The following SPINT2 variants were observed in gnomAD, a reference collection of about 807,000 sequenced individuals.
SPINT2 encodes the protein kunitz-type protease inhibitor 2.
SPINT2 carries 18 observed loss-of-function variants against 30.1 expected under a neutral mutation model. That is an observed-to-expected ratio of 0.60 (90% CI 0.41 to 0.89). SPINT2 has a LOEUF of 0.89. Ranked by LOEUF, SPINT2 falls within the 40% of genes least tolerant of loss-of-function variation. SPINT2 has a pLI of 0.00. For missense variants in SPINT2, 276 were observed against 334.3 expected (o/e 0.83, Z 1.36); for synonymous variants, 139 against 137.9 (o/e 1.01, Z -0.05).
intron 1 of SPINT2, among the ~76,000 whole-genome samples, chr19:38,275,223 T>G (rs970796821): frequency 6.6e-6 from 1 of 152,232 alleles, no homozygotes; most frequent in African/African-American, 2.4e-5. Context: ...TAATCCTAAA[T>G]GTTTCCAATG....
intron 1 of SPINT2, among the ~76,000 whole-genome samples, chr19:38,281,740 G>A (rs562259000): frequency 2.7e-4 from 41 of 151,812 alleles, no homozygotes; most frequent in African/African-American, 8.5e-4. Context: ...AAAATCACTC[G>A]TTTTAAGTAT....
chr19:38,283,476 G>T, intron 1 of SPINT2, 151 bp from the exon 2 acceptor site: 2 of 920,702 alleles, frequency 2.2e-6, no homozygotes, highest in South Asian at 3.0e-5. Flanking sequence ...GAGTGGGCCT[G>T]TTGACGATCT....
chr19:38,280,899 G>A (rs906799582), intron 1 of SPINT2, among the ~76,000 whole-genome samples: 5 of 152,174 alleles, frequency 3.3e-5, no homozygotes, highest in Non-Finnish European at 7.4e-5. Context: ...GTGGAAAAAG[G>A]CTGTGTCTGA....
rs1555715071 is a variant in SPINT2 at position 38,267,650 on chromosome 19, G to GGT, written c.106+2653_106+2654insTG. ...TCTAGGTGTGACCCTGAGAGGAAGC[G>GGT]GGGGGGCGAGGGTGGGAGGAGATCA... is the stretch of plus-strand genomic sequence containing the variant. On this transcript the variant is annotated intron_variant, in intron 1 of 6. Coordinates refer to ENST00000301244, the MANE Select transcript of SPINT2 (RefSeq NM_021102.4). Among the ~76,000 whole-genome samples the GGT allele has an allele frequency of 3.6e-4, 34 of 94,724 alleles. No homozygotes were observed. In the Admixed American group the frequency reaches 4.0e-3, roughly 11 times the overall value. 62.1% of individuals were successfully genotyped at this position (94,724 alleles called of 152,430 possible). A position where few individuals can be genotyped will look rare whatever the true frequency, so the allele number is the denominator to read the frequency against.
intron 1 of SPINT2, among the ~76,000 whole-genome samples, chr19:38,267,110 C>G (rs897393032): frequency 6.6e-6 from 1 of 152,188 alleles, no homozygotes; most frequent in South Asian, 2.1e-4. Context: ...ACTGCAGAGG[C>G]CTTCTCTGTT....
At chr19:38,285,124 G>A (rs182998287) in intron 2 of SPINT2, among the ~76,000 whole-genome samples, 228 of 152,172 alleles carry the variant, frequency 1.5e-3, no homozygotes, top group Admixed American at 5.6e-3. Context: ...TCCTCTTTGC[G>A]GCCCTCACCT....
rs1968696893 is a variant in SPINT2, at chr19:38,290,065, TCC to T, written c.392-51_392-50del. 3.1e-6 allele frequency: 5 copies of T among 1,606,934 alleles called. No individual in the cohort carries two copies. The highest frequency in any genetic ancestry group is 2.2e-4 in the Middle Eastern group (1 of 4,458). On this transcript the variant is annotated intron_variant, in intron 4 of 6. Coordinates refer to ENST00000301244, the MANE Select transcript of SPINT2 (RefSeq NM_021102.4). The surrounding 1 kb of genome is among the most constrained non-coding windows in gnomAD (Gnocchi z 4.3). ...CTCCTCAGGCACTTTCTGGCTTGCT[TCC>T]CCTCCTTGCGGGCCCTACTAATTTG...
Position 38,289,135 on chromosome 19 carries a change from C to T in SPINT2, c.338-3C>T, listed in dbSNP as rs768518955. ...CTCCCTAACACAGATGTTTGTGTTTCAGCTCCCAGAAGGCAGGATTCTGAA... is the reference window on the plus strand; with the variant it reads ...CTCCCTAACACAGATGTTTGTGTTTTAGCTCCCAGAAGGCAGGATTCTGAA... On this transcript the variant is annotated splice_region_variant and splice_polypyrimidine_tract_variant and intron_variant, in intron 3 of 6. Coordinates refer to ENST00000301244, the MANE Select transcript of SPINT2 (RefSeq NM_021102.4). 3.7e-6 allele frequency: 6 copies of T among 1,613,924 alleles called. No homozygotes were observed. The highest frequency in any genetic ancestry group is 1.7e-5 in the Admixed American group (1 of 60,006).
chr19:38,264,948 C>G lies in SPINT2; in HGVS notation c.56C>G (p.Ser19Trp). 1 of 1,536,382 alleles carries G rather than the reference C, an allele frequency of 6.5e-7. No homozygotes were observed. The highest frequency in any genetic ancestry group is 8.7e-7 in the Non-Finnish European group (1 of 1,145,560). The change falls in exon 1 of 7, where the codon TCG becomes TGG. Residue 19 changes from serine (S) to tryptophan (W), a missense_variant. By Grantham distance (177) the Ser-to-Trp change is radical. Coordinates refer to ENST00000301244, the MANE Select transcript of SPINT2 (RefSeq NM_021102.4). ...RSRAFLALLG[S>W]LLLSGVLAAD... ...CGGGCGTTTCTCGCCCTGCTGGGAT[C>G]GCTGCTCCTCTCTGGGGTCCTGGCG... is the stretch of plus-strand genomic sequence containing the variant.
chr19:38,264,797 C>T lies in SPINT2; in HGVS notation c.-96C>T. On this transcript the variant is annotated 5_prime_UTR_variant, in exon 1 of 7. Coordinates refer to ENST00000301244, the MANE Select transcript of SPINT2 (RefSeq NM_021102.4). ...GGAGCGTCGGCACCTGAACGCGAGG[C>T]GCTCCATTGCGCGTGCGCGTTGAGG... 2 of 1,304,432 alleles carry T rather than the reference C, an allele frequency of 1.5e-6. No individual in the cohort carries two copies. Among genetic ancestry groups the T allele is most frequent in the Non-Finnish European group, 1.1e-6 (1 of 946,672 alleles). 80.8% of individuals were successfully genotyped at this position (1,304,432 alleles called of 1,614,324 possible). A position where few individuals can be genotyped will look rare whatever the true frequency, so the allele number is the denominator to read the frequency against.
At chr19:38,280,724 G>A (rs1968571232) in intron 1 of SPINT2, among the ~76,000 whole-genome samples, 2 of 147,698 alleles carry the variant, frequency 1.4e-5, no homozygotes, top group Non-Finnish European at 3.0e-5. Context: ...CCATGATACT[G>A]TGGGTCACCC....
intron 1 of SPINT2, among the ~76,000 whole-genome samples, chr19:38,282,931 T>C (rs1968596317): frequency 6.6e-6 from 1 of 152,128 alleles, no homozygotes; most frequent in Non-Finnish European, 1.5e-5. Context: ...CTCTGACCTT[T>C]CAGCCCTAAG....
At chr19:38,273,250 A>T (rs899841047) in intron 1 of SPINT2, among the ~76,000 whole-genome samples, 1 of 152,140 alleles carries the variant, frequency 6.6e-6, no homozygotes, top group African/African-American at 2.4e-5. Flanking sequence ...AGCTTTCTGT[A>T]CTGGAAACAG....
chr19:38,264,847 C>G lies in SPINT2; in HGVS notation c.-46C>G, dbSNP rs572840350. 695 of 1,521,562 alleles carry G rather than the reference C, an allele frequency of 4.6e-4. No homozygotes were observed. The highest frequency in any genetic ancestry group is 7.5e-4 in the Admixed American group (38 of 50,826). 94.3% of individuals were successfully genotyped at this position (1,521,562 alleles called of 1,614,324 possible). A position where few individuals can be genotyped will look rare whatever the true frequency, so the allele number is the denominator to read the frequency against. On this transcript the variant is annotated 5_prime_UTR_variant, in exon 1 of 7. Coordinates refer to ENST00000301244, the MANE Select transcript of SPINT2 (RefSeq NM_021102.4). ...GGGCTTCCCGCACCTGATCGCGAGA[C>G]CCCAACGGCTGGTGGCGTCGCCTGC...
chr19:38,267,129 C>T (rs1968388649), intron 1 of SPINT2, among the ~76,000 whole-genome samples: 1 of 152,194 alleles, frequency 6.6e-6, no homozygotes, highest in Non-Finnish European at 1.5e-5. Flanking sequence ...TTCAGAGTGG[C>T]CTACCTGACT....
intron 1 of SPINT2, chr19:38,265,387 G>A (rs1289138233): frequency 6.3e-6 from 1 of 158,804 alleles, no homozygotes; most frequent in Non-Finnish European, 1.4e-5. Flanking sequence ...AGATGGTGGG[G>A]GTTGGGTTGG....
At chr19:38,286,491 T>TATCATGTGGGCCGGGTGCGGC (rs1968642456) in intron 2 of SPINT2, among the ~76,000 whole-genome samples, 3 of 152,100 alleles carry the variant, frequency 2.0e-5, no homozygotes, top group Non-Finnish European at 2.9e-5. Flanking sequence ...GTGTAAAATG[T>TATCATGTGGGCCGGGTGCGGC]ATCATGTGGG....
chr19:38,268,171 C>G (rs1405853115), intron 1 of SPINT2, among the ~76,000 whole-genome samples: 1 of 151,952 alleles, frequency 6.6e-6, no homozygotes, highest in East Asian at 1.9e-4. Flanking sequence ...ATCATGTGGT[C>G]TATGATTGAT....
chr19:38,292,071 A>G lies in SPINT2; in HGVS notation c.*65A>G. The stretch of plus-strand genomic sequence containing the variant: ...CTATGTGTGAGCTTTTTTTAAATAG[A>G]GGGATTGACTCGGATTTGAGTGATC... On this transcript the variant is annotated 3_prime_UTR_variant, in exon 7 of 7. Transcript: ENST00000301244. The G allele has an allele frequency of 6.3e-7, 1 of 1,585,552 alleles. No individual in the cohort carries two copies. Among genetic ancestry groups the G allele is most frequent in the South Asian group, 1.1e-5 (1 of 87,554 alleles).
Sources: allele counts gnomAD v4.1 joint callset (sites outside exome capture counted in the v4.1 genomes callset), GRCh38; gene constraint gnomAD v4.1.1; non-coding constraint Gnocchi (gnomAD v3.1); transcripts MANE v1.5; gene names NCBI Gene and HGNC (gene_info 2026-07-23, HGNC 2026-07-21).